The following PPP6R3 variants were observed in gnomAD, a reference collection of about 807,000 sequenced individuals.
The protein encoded by PPP6R3 is protein phosphatase 6 regulatory subunit 3.
PPP6R3 carries 38 observed loss-of-function variants against 110.7 expected under a neutral mutation model. That is an observed-to-expected ratio of 0.34 (90% CI 0.26 to 0.45). The LOEUF (loss-of-function observed/expected upper bound fraction) is 0.45. Among genes scored for constraint, PPP6R3 ranks in the 20% least tolerant of loss-of-function variants. The pLI, the probability that PPP6R3 is intolerant of heterozygous loss-of-function variation, is 1.00. For missense variants in PPP6R3, 870 were observed against 1,062.4 expected, an observed-to-expected ratio of 0.82 and a Z score of 2.52; for synonymous variants, 369 against 373.5, an observed-to-expected ratio of 0.99 and a Z score of 0.14.
chr11:68,537,389 T>G (rs1312852177), intron 2 of PPP6R3, among the ~76,000 whole-genome samples: 1 of 152,204 alleles, frequency 6.6e-6, no homozygotes, highest in African/African-American at 2.4e-5. Context: ...TATGGATGAA[T>G]TACTTTTGCA....
intron 18 of PPP6R3, among the ~76,000 whole-genome samples, chr11:68,593,718 C>G (rs1205823640): frequency 6.6e-6 from 1 of 152,194 alleles, no homozygotes; most frequent in African/African-American, 2.4e-5. Flanking sequence ...CAGACACCCT[C>G]ATTTAAAAGA....
At chr11:68,612,572 CCT>C (rs1491406293) in intron 23 of PPP6R3, among the ~76,000 whole-genome samples, 4 of 150,656 alleles carry the variant, frequency 2.7e-5, no homozygotes, top group Non-Finnish European at 5.9e-5. Context: ...CAAGTGGACA[CCT>C]TTTTTTTTTT....
At chr11:68,607,829 A>C (rs1365631550) in intron 22 of PPP6R3, among the ~76,000 whole-genome samples, 1 of 151,946 alleles carries the variant, frequency 6.6e-6, no homozygotes, top group Non-Finnish European at 1.5e-5. Flanking sequence ...GCTGGAATGC[A>C]GTGGCACAAT....
intron 2 of PPP6R3, among the ~76,000 whole-genome samples, chr11:68,530,383 AATAT>A (rs2099231145): frequency 6.6e-6 from 1 of 152,172 alleles, no homozygotes; most frequent in Admixed American, 6.5e-5. Flanking sequence ...TGTTCTGTTA[AATAT>A]ATAGTATTAA....
chr11:68,487,181 C>T (rs1371290481), intron 1 of PPP6R3, among the ~76,000 whole-genome samples: 1 of 152,082 alleles, frequency 6.6e-6, no homozygotes, highest in Non-Finnish European at 1.5e-5. Flanking sequence ...TTTGGATCTT[C>T]TTTTTTAGTG....
chr11:68,549,694 G>C (rs1423243404), intron 5 of PPP6R3, among the ~76,000 whole-genome samples: 1 of 152,170 alleles, frequency 6.6e-6, no homozygotes, highest in Non-Finnish European at 1.5e-5. Context: ...ATTCAGGATG[G>C]TTTACTGGAA....
At chr11:68,463,780 T>G (rs2098725353) in intron 1 of PPP6R3, among the ~76,000 whole-genome samples, 1 of 152,234 alleles carries the variant, frequency 6.6e-6, no homozygotes. Flanking sequence ...GTCTTTTGAT[T>G]TACTCTAGTT....
At chr11:68,590,433 T>C (rs1016919884) in intron 16 of PPP6R3, among the ~76,000 whole-genome samples, 3 of 152,208 alleles carry the variant, frequency 2.0e-5, no homozygotes, top group Non-Finnish European at 4.4e-5. Flanking sequence ...TCCCAAAGGC[T>C]TTATGTCTCA....
intron 6 of PPP6R3, among the ~76,000 whole-genome samples, chr11:68,553,293 CTTTTT>C (rs35624425): frequency 1.4e-5 from 2 of 138,664 alleles, no homozygotes; most frequent in Non-Finnish European, 3.2e-5. Context: ...TTTGCTTTTA[CTTTTT>C]TTTTTTTTTT....
intron 3 of PPP6R3, among the ~76,000 whole-genome samples, chr11:68,542,257 G>C (rs1048361196): frequency 6.6e-6 from 1 of 151,924 alleles, no homozygotes; most frequent in African/African-American, 2.4e-5. Flanking sequence ...GTGGGGATGT[G>C]ATAGGGCTGG....
chr11:68,471,142 G>C (rs542777437), intron 1 of PPP6R3, among the ~76,000 whole-genome samples: 4 of 151,714 alleles, frequency 2.6e-5, no homozygotes, highest in African/African-American at 9.7e-5. Flanking sequence ...AAAATTAGCC[G>C]GCTTAGTGGT....
chr11:68,598,332 C>T lies in PPP6R3; in HGVS notation c.2039-2009C>T, dbSNP rs59734497. 2.6e-3 allele frequency among the ~76,000 whole-genome samples: 403 copies of T among 152,270 alleles called. 3 individuals are homozygous for T. The highest frequency in any genetic ancestry group is 9.6e-3 in the African/African-American group (399 of 41,556). On this transcript the variant is annotated intron_variant, in intron 19 of 23. Coordinates refer to ENST00000393800, the MANE Select transcript of PPP6R3 (RefSeq NM_001164161.2). The stretch of plus-strand genomic sequence containing the variant: ...TAGCAGGCTGGGTATGGTTAAGTGA[C>T]AGGGAGGGAAACACACTTGGCTGGA...
chr11:68,610,066 C>T (rs1335698251), intron 23 of PPP6R3, 43 bp downstream of exon 23: 1 of 1,603,002 alleles, frequency 6.2e-7, no homozygotes, highest in Non-Finnish European at 8.5e-7. Flanking sequence ...CCTGCCCTGA[C>T]CTTGCCTGTT....
chr11:68,557,817 G>A (rs1032159040), intron 7 of PPP6R3, among the ~76,000 whole-genome samples: 3 of 152,140 alleles, frequency 2.0e-5, no homozygotes, highest in Non-Finnish European at 4.4e-5. Context: ...TGCACCTGGC[G>A]TCCATTTCTT....
At chr11:68,535,435 C>T (rs991648673) in intron 2 of PPP6R3, 4 of 152,194 alleles carry the variant, frequency 2.6e-5, no homozygotes, top group Admixed American at 1.3e-4. Context: ...AACATCAGTC[C>T]TCCACATCGA....
chr11:68,560,823 T>G (rs143302456), intron 8 of PPP6R3, among the ~76,000 whole-genome samples: 112 of 152,070 alleles, frequency 7.4e-4, no homozygotes, highest in African/African-American at 2.6e-3. Flanking sequence ...CTCGTATAAA[T>G]GGCATAGTAT....
intron 3 of PPP6R3, among the ~76,000 whole-genome samples, chr11:68,539,452 G>A (rs1178296635): frequency 1.3e-5 from 2 of 152,202 alleles, no homozygotes; most frequent in Non-Finnish European, 2.9e-5. Context: ...TTGCCTTTGA[G>A]GTTGCAAGAG....
At chr11:68,589,916 C>T (rs2153855414) in intron 16 of PPP6R3, among the ~76,000 whole-genome samples, 1 of 152,328 alleles carries the variant, frequency 6.6e-6, no homozygotes, top group East Asian at 1.9e-4. Flanking sequence ...AGAGCAAGAA[C>T]ACAAGATATT....
At chr11:68,466,911 C>A (rs2098751810) in intron 1 of PPP6R3, among the ~76,000 whole-genome samples, 1 of 151,380 alleles carries the variant, frequency 6.6e-6, no homozygotes, top group Admixed American at 6.6e-5. Flanking sequence ...CCGCGCCTGG[C>A]CATTTTTTGT....
Sources: allele counts gnomAD v4.1 joint callset (sites outside exome capture counted in the v4.1 genomes callset), GRCh38; gene constraint gnomAD v4.1.1; transcripts MANE v1.5; gene names NCBI Gene and HGNC (gene_info 2026-07-23, HGNC 2026-07-21).